MAK: variants seen among roughly 807,000 people sequenced by gnomAD.
MAK encodes serine/threonine-protein kinase MAK.
Under a neutral mutation model 82.6 loss-of-function variants are expected in MAK, and 65 were observed. The observed-to-expected ratio is 0.79, with a 90% CI of 0.64 to 0.97. The LOEUF (loss-of-function observed/expected upper bound fraction) is 0.97. MAK is among the 50% of genes least tolerant of loss of function. The pLI, the probability that MAK is intolerant of heterozygous loss-of-function variation, is 0.00. For missense variants in MAK, 703 were observed against 780.2 expected (o/e 0.90, Z 1.18); for synonymous variants, 250 against 274.2 (o/e 0.91, Z 0.87).
chr6:10,823,075 T>G lies in MAK; in HGVS notation c.102-4135A>C, dbSNP rs1778085076. Among the ~76,000 whole-genome samples, 4 of 152,312 alleles carry G rather than the reference T, an allele frequency of 2.6e-5. No individual in the cohort carries two copies. The South Asian group carries it at 6.2e-4, about 24-fold the overall frequency. ...TGCATTTCTAGACCGCTCAAAAGGTTTGCCTGCTGAATTAAGCACAGACTT... is the reference window on the plus strand; with the variant it reads ...TGCATTTCTAGACCGCTCAAAAGGTGTGCCTGCTGAATTAAGCACAGACTT... On this transcript the variant is annotated intron_variant, in intron 2 of 14. Coordinates refer to ENST00000354489, the MANE Select transcript of MAK (RefSeq NM_001242957.3).
rs1244666478 is a variant in MAK, at chr6:10,776,894, G to A, written c.1466-1435C>T. ...GAGGTCAGGAGTTTGAGACCAGCTTGGCCAACATAGTGAAACCCCATCTCT... is the reference window on the plus strand; with the variant it reads ...GAGGTCAGGAGTTTGAGACCAGCTTAGCCAACATAGTGAAACCCCATCTCT... On this transcript the variant is annotated intron_variant, in intron 11 of 14. Coordinates refer to ENST00000354489, the MANE Select transcript of MAK (RefSeq NM_001242957.3). The surrounding 1 kb of genome is among the most constrained non-coding windows in gnomAD (Gnocchi z 4.3). Among the ~76,000 whole-genome samples the A allele has an allele frequency of 6.6e-6, 1 of 151,340 alleles. No individual in the cohort carries two copies. Among genetic ancestry groups the A allele is most frequent in the Non-Finnish European group, 1.5e-5 (1 of 67,914 alleles).
At chr6:10,774,297 G>A (rs1442404128) in intron 12 of MAK, among the ~76,000 whole-genome samples, 2 of 152,062 alleles carry the variant, frequency 1.3e-5, no homozygotes, top group Non-Finnish European at 2.9e-5. Context: ...CAAAAAAGTT[G>A]AGTATTATAT....
chr6:10,771,703 C>T (rs1029433446), intron 13 of MAK, among the ~76,000 whole-genome samples: 2 of 152,186 alleles, frequency 1.3e-5, no homozygotes, highest in African/African-American at 2.4e-5. Context: ...AATGTCAAAG[C>T]GCAATATTAT....
At chr6:10,784,403 C>T (rs1480082108) in intron 11 of MAK, 21 bp downstream of exon 11, 1 of 1,613,448 alleles carries the variant, frequency 6.2e-7, no homozygotes, top group East Asian at 2.2e-5. Context: ...TAGCAGCAAA[C>T]ATTTTCTTTG....
chr6:10,827,721 G>A (rs1403309345), intron 2 of MAK: 1 of 152,144 alleles, frequency 6.6e-6, no homozygotes, highest in Non-Finnish European at 1.5e-5. Context: ...GGTCACCTAA[G>A]CTGAAGTACA....
Position 10,770,238 on chromosome 6 carries a change from C to T in MAK, c.1673-8G>A, listed in dbSNP as rs756470406. 3 of 1,613,664 alleles carry T rather than the reference C, an allele frequency of 1.9e-6. No individual in the cohort carries two copies. The highest frequency in any genetic ancestry group is 1.1e-5 in the South Asian group (1 of 91,072). ...CATAACTTCCAAGATTTCCTAGTGA[C>T]ATATCATAAAGTTTCACAGTCAGAA... is the stretch of plus-strand genomic sequence containing the variant. On this transcript the variant is annotated splice_polypyrimidine_tract_variant and splice_region_variant and intron_variant, in intron 13 of 14. Transcript: ENST00000354489.
chr6:10,803,837 A>G lies in MAK; in HGVS notation c.546T>C (p.Asp182=), dbSNP rs1776202589. 1 of 1,614,088 alleles carries G rather than the reference A, an allele frequency of 6.2e-7. No individual in the cohort carries two copies. The highest frequency in any genetic ancestry group is 8.5e-7 in the Non-Finnish European group (1 of 1,179,982). The change falls in exon 7 of 15, where the codon GAT becomes GAC. Residue 182 remains aspartate (D), a synonymous_variant. Coordinates refer to ENST00000354489, the MANE Select transcript of MAK (RefSeq NM_001242957.3). ...CCATGATACTTCCAACAGCCCACAC[A>G]TCAATGGGAGAACTATAAACTGAAG... is the stretch of plus-strand genomic sequence containing the variant. ...LRSSVYSSPI[D]VWAVGSIMAE... is the part of the protein sequence containing the mutation.
intron 11 of MAK, among the ~76,000 whole-genome samples, chr6:10,780,925 G>A (rs986255707): frequency 7.9e-5 from 12 of 151,634 alleles, no homozygotes; most frequent in Admixed American, 5.3e-4. Flanking sequence ...TTTACACACA[G>A]GTGTCTAAAG....
rs148963530 is a variant in MAK, at chr6:10,828,802, AAG to A, written c.101+1744_101+1745del. Reference sequence around the variant, plus strand: ...AGAATGGAACCCTGTCTTGAAAAAAAAGAGGGGGGAAATGTGGACACAGACAT... The same window carrying A: ...AGAATGGAACCCTGTCTTGAAAAAAAAGGGGGGAAATGTGGACACAGACAT... On this transcript the variant is annotated intron_variant, in intron 2 of 14. Coordinates refer to ENST00000354489, the MANE Select transcript of MAK (RefSeq NM_001242957.3). 2.9e-3 allele frequency among the ~76,000 whole-genome samples: 437 copies of A among 152,194 alleles called. 16 individuals are homozygous for A. In the East Asian group the frequency reaches 0.069, roughly 24 times the overall value.
intron 9 of MAK, among the ~76,000 whole-genome samples, chr6:10,795,759 A>T (rs1290348247): frequency 6.6e-6 from 1 of 152,202 alleles, no homozygotes; most frequent in East Asian, 1.9e-4. Context: ...AAAGAAAAAG[A>T]AAAAAGACTG....
chr6:10,818,957 A>G lies in MAK; in HGVS notation c.102-17T>C, dbSNP rs1313425757. The stretch of plus-strand genomic sequence containing the variant: ...CTCTTCATCCTAAAATAAATTAGGG[A>G]AAGTTTAGTGTTCAGGGATTGAGGA... On this transcript the variant is annotated splice_polypyrimidine_tract_variant and intron_variant, in intron 2 of 14. Coordinates refer to ENST00000354489, the MANE Select transcript of MAK (RefSeq NM_001242957.3). 2 of 1,445,138 alleles carry G rather than the reference A, an allele frequency of 1.4e-6. No individual in the cohort carries two copies. Among genetic ancestry groups the G allele is most frequent in the Admixed American group, 1.7e-5 (1 of 58,988 alleles). 89.5% of individuals were successfully genotyped at this position (1,445,138 alleles called of 1,614,324 possible). A position where few individuals can be genotyped will look rare whatever the true frequency, so the allele number is the denominator to read the frequency against.
chr6:10,772,542 ATCATG>A (rs141583077), intron 13 of MAK, among the ~76,000 whole-genome samples: 2,769 of 152,042 alleles, frequency 0.018, 81 homozygotes, highest in African/African-American at 0.062. Flanking sequence ...CACGGGTTTC[ATCATG>A]TTGGCCAGGA....
At chr6:10,765,289 G>A (rs781451378) in intron 14 of MAK, among the ~76,000 whole-genome samples, 3 of 151,942 alleles carry the variant, frequency 2.0e-5, no homozygotes, top group Non-Finnish European at 2.9e-5. Context: ...ATCACACTGT[G>A]GTTACATCTA....
intron 11 of MAK, among the ~76,000 whole-genome samples, chr6:10,782,201 G>GTC (rs894389619): frequency 3.3e-5 from 4 of 119,960 alleles, no homozygotes; most frequent in African/African-American, 1.0e-4. Context: ...GTGAAACTCT[G>GTC]TCACACACAC....
At chr6:10,779,082 G>T (rs1336125065) in intron 11 of MAK, among the ~76,000 whole-genome samples, 2 of 144,116 alleles carry the variant, frequency 1.4e-5, no homozygotes, top group Admixed American at 7.0e-5. Flanking sequence ...GAGCTGAGGT[G>T]GTACCACTGC....
intron 1 of MAK, among the ~76,000 whole-genome samples, chr6:10,837,662 C>T (rs765823831): frequency 1.3e-5 from 2 of 152,350 alleles, no homozygotes; most frequent in Non-Finnish European, 2.9e-5. Flanking sequence ...TTCTTTTAAA[C>T]GATTATCTAA....
chr6:10,779,072 G>A (rs1773716402), intron 11 of MAK, among the ~76,000 whole-genome samples: 1 of 144,084 alleles, frequency 6.9e-6, no homozygotes, highest in South Asian at 2.2e-4. Context: ...AGGTTGCAGT[G>A]AGCTGAGGTG....
intron 10 of MAK, among the ~76,000 whole-genome samples, chr6:10,788,731 G>A (rs866780879): frequency 3.3e-5 from 5 of 151,762 alleles, no homozygotes; most frequent in East Asian, 1.9e-4. Flanking sequence ...GCGACATTCC[G>A]TCTCAAAAAG....
At chr6:10,817,807 C>T in intron 4 of MAK, 43 bp downstream of exon 4, 2 of 1,429,146 alleles carry the variant, frequency 1.4e-6, no homozygotes, top group Non-Finnish European at 1.9e-6. Flanking sequence ...ATCCAAAGAA[C>T]TCATGGAGAG....
Sources: gnomAD v4.1 joint callset for allele counts (sites outside exome capture counted in the v4.1 genomes callset) on GRCh38, gnomAD v4.1.1 for gene constraint, Gnocchi (gnomAD v3.1) non-coding constraint, MANE v1.5 for transcripts, NCBI Gene and HGNC (gene_info 2026-07-23, HGNC 2026-07-21) for gene names.